The following MCTP1 variants were observed in gnomAD, a reference collection of about 807,000 sequenced individuals.
The protein encoded by MCTP1 is multiple C2 and transmembrane domain containing 1, also known as multiple C2 and transmembrane domain-containing protein 1.
MCTP1 carries 69 observed loss-of-function variants against 120.6 expected under a neutral mutation model. The ratio of observed to expected loss-of-function variants is 0.57; its 90% CI spans 0.47 to 0.70. The LOEUF (loss-of-function observed/expected upper bound fraction) is 0.70. MCTP1 is among the 30% of genes least tolerant of loss of function. The pLI is 0.00. For synonymous variants in MCTP1, 529 were observed against 493.1 expected (o/e 1.07, Z -0.96); for missense variants, 1,203 against 1,248.8 (o/e 0.96, Z 0.55).
chr5:94,751,233 A>G (rs1768219494), intron 19 of MCTP1, among the ~76,000 whole-genome samples: 1 of 152,096 alleles, frequency 6.6e-6, no homozygotes, highest in African/African-American at 2.4e-5. Flanking sequence ...AAATGATGCT[A>G]TGAGTTAGGG....
chr5:95,245,797 AG>A (rs1756701100), intron 1 of MCTP1, among the ~76,000 whole-genome samples: 1 of 152,200 alleles, frequency 6.6e-6, no homozygotes, highest in African/African-American at 2.4e-5. Flanking sequence ...CTAGCAAGGC[AG>A]GCCAACATTC....
intron 19 of MCTP1, among the ~76,000 whole-genome samples, chr5:94,777,816 T>C (rs898227522): frequency 7.9e-5 from 12 of 152,150 alleles, no homozygotes; most frequent in Non-Finnish European, 2.9e-5. Context: ...TTTTGTTAGT[T>C]TATGTTTGAT....
At chr5:94,745,317 C>T (rs1158040660) in intron 19 of MCTP1, among the ~76,000 whole-genome samples, 1 of 152,136 alleles carries the variant, frequency 6.6e-6, no homozygotes, top group East Asian at 1.9e-4. Context: ...CTCTTTGGTG[C>T]AAGATGTGAG....
At chr5:94,918,121 T>A in intron 7 of MCTP1, 148 bp from the exon 8 acceptor site, 1 of 614,648 alleles carries the variant, frequency 1.6e-6, no homozygotes, top group East Asian at 2.8e-5. Context: ...AGAAAATGTC[T>A]TATAGCACAA....
rs924089025 is a variant in MCTP1, at chr5:94,704,510, A to G, written c.*2986T>C. ...CTTAGATATGAGATCAAAGTGGAAA[A>G]AAAGCTCCTGTGGTCCCTAGATAAG... On this transcript the variant is annotated 3_prime_UTR_variant, in exon 23 of 23. Transcript: ENST00000515393. 2.0e-5 allele frequency: 3 copies of G among 151,396 alleles called. No homozygotes were observed. Among genetic ancestry groups the G allele is most frequent in the Non-Finnish European group, 4.4e-5 (3 of 67,608 alleles). 9.4% of individuals were successfully genotyped at this position (151,396 alleles called of 1,614,324 possible). A position where few individuals can be genotyped will look rare whatever the true frequency, so the allele number is the denominator to read the frequency against.
At chr5:94,788,735 G>A (rs950381336) in intron 18 of MCTP1, 3 of 147,190 alleles carry the variant, frequency 2.0e-5, no homozygotes, top group Admixed American at 6.7e-5. Flanking sequence ...AGAGTGCAAA[G>A]TCATTTAGAA....
intron 19 of MCTP1, among the ~76,000 whole-genome samples, chr5:94,758,345 G>A (rs1217636888): frequency 6.6e-6 from 1 of 152,104 alleles, no homozygotes; most frequent in Non-Finnish European, 1.5e-5. Flanking sequence ...TATAGTCCTA[G>A]CTACTTGGAA....
intron 2 of MCTP1, among the ~76,000 whole-genome samples, chr5:95,010,326 T>C (rs896598033): frequency 6.6e-6 from 1 of 152,082 alleles, no homozygotes; most frequent in Non-Finnish European, 1.5e-5. Context: ...TCCACACCCA[T>C]AATTCCGGTT....
chr5:94,931,224 A>G (rs1814579754), intron 6 of MCTP1: 1 of 152,174 alleles, frequency 6.6e-6, no homozygotes, highest in Non-Finnish European at 1.5e-5. Context: ...TAAAAAAATT[A>G]GTCATTATTA....
rs192780016 is a variant in MCTP1 at position 94,762,577 on chromosome 5, G to A, written c.2610+16533C>T. On this transcript the variant is annotated intron_variant, in intron 19 of 22. Transcript: ENST00000515393. ...GGAAAAGACAGCCAGGCAGGCATAT[G>A]GGACACATTCTCTGTCTATTCTGAG... Among the ~76,000 whole-genome samples, 304 of 152,314 alleles carry A rather than the reference G, an allele frequency of 2.0e-3. 2 individuals are homozygous for A. Among genetic ancestry groups the A allele is most frequent in the African/African-American group, 7.1e-3 (296 of 41,556 alleles).
chr5:94,887,016 G>T (rs1034126592), intron 12 of MCTP1, among the ~76,000 whole-genome samples: 13 of 152,236 alleles, frequency 8.5e-5, no homozygotes, highest in African/African-American at 2.6e-4. Context: ...ACCACAGAAG[G>T]TCCAAGAGTG....
intron 1 of MCTP1, among the ~76,000 whole-genome samples, chr5:95,201,406 A>T (rs190918245): frequency 6.7e-6 from 1 of 148,204 alleles, no homozygotes; most frequent in East Asian, 2.0e-4. Flanking sequence ...AAATTTAAAA[A>T]TTATAGGGAT....
chr5:95,231,509 G>A (rs967966606), intron 1 of MCTP1, among the ~76,000 whole-genome samples: 3 of 152,026 alleles, frequency 2.0e-5, no homozygotes, highest in Non-Finnish European at 4.4e-5. Context: ...ACAAAAGACA[G>A]TAATATCCAA....
At chr5:95,172,544 C>T (rs1747451745) in intron 1 of MCTP1, among the ~76,000 whole-genome samples, 1 of 152,104 alleles carries the variant, frequency 6.6e-6, no homozygotes, top group Admixed American at 6.6e-5. Context: ...CCTCCCAGGA[C>T]TTCTTCACAG....
intron 12 of MCTP1, 62 bp from the exon 13 acceptor site, chr5:94,873,303 G>C: frequency 1.1e-6 from 1 of 903,760 alleles, no homozygotes; most frequent in Non-Finnish European, 1.8e-6. Context: ...ACAGTGTCAA[G>C]ATCATGACCA....
chr5:94,944,532 T>C (rs774848425), intron 3 of MCTP1, among the ~76,000 whole-genome samples: 1 of 152,136 alleles, frequency 6.6e-6, no homozygotes, highest in Non-Finnish European at 1.5e-5. Flanking sequence ...ATAGGTGGCA[T>C]ATAATCAGTG....
intron 2 of MCTP1, among the ~76,000 whole-genome samples, chr5:94,964,115 G>A (rs188402414): frequency 6.6e-6 from 1 of 152,044 alleles, no homozygotes; most frequent in African/African-American, 2.4e-5. Context: ...TTTATTTCTG[G>A]GCTCTGTATT....
Position 95,284,614 on chromosome 5 carries a change from C to T in MCTP1, c.-39G>A, listed in dbSNP as rs770987839. The T allele has an allele frequency of 1.8e-5, 24 of 1,357,670 alleles. No individual in the cohort carries two copies. In the Admixed American group the frequency reaches 2.1e-4, roughly 12 times the overall value. 84.1% of individuals were successfully genotyped at this position (1,357,670 alleles called of 1,614,324 possible). On this transcript the variant is annotated 5_prime_UTR_variant, in exon 1 of 23. Transcript: ENST00000515393. The surrounding 1 kb of genome is among the most constrained non-coding windows in gnomAD (Gnocchi z 5.2). ...CTCCTCCTCTCCCCTCCTCCTCCTC[C>T]TCCTCCTCCTGCTTCTCCTCCCTCT...
At chr5:94,904,934 A>T (rs1429655417) in intron 10 of MCTP1, among the ~76,000 whole-genome samples, 2 of 152,246 alleles carry the variant, frequency 1.3e-5, no homozygotes, top group African/African-American at 4.8e-5. Context: ...TAATGAGGGA[A>T]AATAAATGAT....
Sources: allele counts gnomAD v4.1 joint callset (sites outside exome capture counted in the v4.1 genomes callset), GRCh38; gene constraint gnomAD v4.1.1; non-coding constraint Gnocchi (gnomAD v3.1); transcripts MANE v1.5; gene names NCBI Gene and HGNC (gene_info 2026-07-23, HGNC 2026-07-21).